The following CPVL variants were observed in gnomAD, a reference collection of about 807,000 sequenced individuals.
CPVL encodes probable serine carboxypeptidase CPVL.
CPVL carries 51 observed loss-of-function variants against 63.7 expected under a neutral mutation model. The ratio of observed to expected loss-of-function variants is 0.80; its 90% CI spans 0.64 to 1.01. The LOEUF is 1.01. Among genes scored for constraint, CPVL ranks in the 50% least tolerant of loss-of-function variants. The pLI is 0.00. For missense variants in CPVL, 530 were observed against 573.1 expected (o/e 0.92, Z 0.77); for synonymous variants, 195 against 206.0 (o/e 0.95, Z 0.46).
Position 29,036,623 on chromosome 7 carries a change from T to C in CPVL, c.1138-5864A>G, listed in dbSNP as rs1460878024. Among the ~76,000 whole-genome samples, 3 of 152,196 alleles carry C rather than the reference T, an allele frequency of 2.0e-5. No homozygotes were observed. In the East Asian group the frequency reaches 5.8e-4, roughly 29 times the overall value. ...ATGCATTGGCCACTGCATCTCAGTCTTTTCTTGAAAGTTAGAGCCATAAAT... is the reference window on the plus strand; with the variant it reads ...ATGCATTGGCCACTGCATCTCAGTCCTTTCTTGAAAGTTAGAGCCATAAAT... On this transcript the variant is annotated intron_variant, in intron 11 of 12. Coordinates refer to ENST00000265394, the MANE Select transcript of CPVL (RefSeq NM_031311.5).
upstream of CPVL, chr7:29,146,664 C>T: frequency 3.2e-6 from 5 of 1,550,610 alleles, no homozygotes; most frequent in South Asian, 1.2e-5. Flanking sequence ...ATCAAGTCAG[C>T]GCTTCCCATG....
chr7:29,162,819 G>A (rs1176612624), intron 5 of CPVL, among the ~76,000 whole-genome samples: 1 of 152,174 alleles, frequency 6.6e-6, no homozygotes, highest in Non-Finnish European at 1.5e-5. Context: ...GGAAGAGGAG[G>A]GAGAGCCTAA....
intron 11 of CPVL, among the ~76,000 whole-genome samples, chr7:29,055,228 A>G (rs532176932): frequency 6.6e-6 from 1 of 152,094 alleles, no homozygotes; most frequent in East Asian, 1.9e-4. Flanking sequence ...GAGACTGTAA[A>G]CACCTCTATT....
chr7:29,071,941 GGAGA>G, intron 8 of CPVL, 37 bp from the exon 9 acceptor site: 1 of 1,611,832 alleles, frequency 6.2e-7, no homozygotes, highest in Non-Finnish European at 8.5e-7. Flanking sequence ...TGTGACAAAG[GGAGA>G]GAAAGAGACC....
At chr7:29,079,028 A>G (rs761782035) in intron 7 of CPVL, among the ~76,000 whole-genome samples, 14 of 152,196 alleles carry the variant, frequency 9.2e-5, no homozygotes, top group Admixed American at 2.0e-4. Context: ...AAATAATTGC[A>G]TTCCAAAGAC....
intron 11 of CPVL, among the ~76,000 whole-genome samples, chr7:29,038,255 G>A (rs1788739444): frequency 6.6e-6 from 1 of 152,118 alleles, no homozygotes; most frequent in South Asian, 2.1e-4. Flanking sequence ...CCTTTGGAGG[G>A]TGATTAGGGG....
chr7:29,067,618 T>C (rs556311477), intron 9 of CPVL, among the ~76,000 whole-genome samples: 19 of 151,994 alleles, frequency 1.3e-4, no homozygotes, highest in African/African-American at 4.1e-4. Context: ...GAGAAGAAAA[T>C]AGTCACAGAA....
intron 7 of CPVL, among the ~76,000 whole-genome samples, chr7:29,078,874 T>C (rs1784451183): frequency 6.6e-6 from 1 of 152,188 alleles, no homozygotes; most frequent in South Asian, 2.1e-4. Flanking sequence ...AATCATTAAA[T>C]AGTCACAAAT....
intron 1 of CPVL, among the ~76,000 whole-genome samples, chr7:29,142,886 A>T (rs1443296339): frequency 6.6e-6 from 1 of 152,108 alleles, no homozygotes; most frequent in Non-Finnish European, 1.5e-5. Context: ...TAAAACCAGA[A>T]GTCCTCAAGT....
At chr7:29,055,478 T>TGACCTCAGGTCATGTGCC (rs201875045) in intron 11 of CPVL, among the ~76,000 whole-genome samples, 5,096 of 152,276 alleles carry the variant, frequency 0.033, 109 homozygotes, top group East Asian at 0.065. Flanking sequence ...CTTGAACTCC[T>TGACCTCAGGTCATGTGCC]GACCTCAGGT....
At chr7:29,165,933 A>C (rs904817998) in intron 5 of CPVL, among the ~76,000 whole-genome samples, 2 of 152,202 alleles carry the variant, frequency 1.3e-5, no homozygotes, top group Non-Finnish European at 2.9e-5. Flanking sequence ...CACTATGTTC[A>C]CAGGGGACAT....
intron 12 of CPVL, chr7:29,011,834 C>T (rs486841): frequency 0.36 from 54,768 of 152,056 alleles, 9,969 homozygotes; most frequent in Middle Eastern, 0.43. Context: ...AGGTTTTCAA[C>T]ATATCTATAA....
intron 1 of CPVL, chr7:29,194,607 G>C (rs993370735): frequency 3.8e-6 from 1 of 259,888 alleles, no homozygotes; most frequent in African/African-American, 2.2e-5. Flanking sequence ...GCGCACAGGG[G>C]AGCGTGGACG....
At chr7:29,044,776 T>C (rs505532) in intron 11 of CPVL, among the ~76,000 whole-genome samples, 98,264 of 152,114 alleles carry the variant, frequency 0.65, 32,235 homozygotes, top group Non-Finnish European at 0.71. Flanking sequence ...TTCATACCAG[T>C]TGGGTTTCAT....
chr7:29,014,696 G>T (rs1225654394), intron 12 of CPVL, among the ~76,000 whole-genome samples: 1 of 152,232 alleles, frequency 6.6e-6, no homozygotes, highest in East Asian at 1.9e-4. Flanking sequence ...ATTGCCTTAA[G>T]CCTATTTAAC....
At chr7:29,005,435 CTTT>C (rs1264229547) in intron 12 of CPVL, among the ~76,000 whole-genome samples, 3 of 152,144 alleles carry the variant, frequency 2.0e-5, no homozygotes, top group African/African-American at 7.2e-5. Context: ...TTCCAGGCTT[CTTT>C]GATTTCCCTT....
chr7:29,087,014 G>T lies in CPVL; in HGVS notation c.543-464C>A, dbSNP rs1041372881. 2.6e-5 allele frequency among the ~76,000 whole-genome samples: 4 copies of T among 151,832 alleles called. No individual in the cohort carries two copies. The East Asian group carries it at 7.7e-4, about 29-fold the overall frequency. ...AGAATGCCACATTTTAATAACCAAAGAACAGAAAAACTGTAAGATGACTAT... is the reference window on the plus strand; with the variant it reads ...AGAATGCCACATTTTAATAACCAAATAACAGAAAAACTGTAAGATGACTAT... On this transcript the variant is annotated intron_variant, in intron 6 of 12. Transcript: ENST00000265394.
At chr7:29,047,064 C>T (rs908772591) in intron 11 of CPVL, among the ~76,000 whole-genome samples, 1 of 152,114 alleles carries the variant, frequency 6.6e-6, no homozygotes, top group Non-Finnish European at 1.5e-5. Flanking sequence ...CATTTGTCTT[C>T]CGTCATTCCA....
intron 11 of CPVL, among the ~76,000 whole-genome samples, chr7:29,056,067 T>C (rs552276839): frequency 3.6e-4 from 55 of 152,266 alleles, no homozygotes; most frequent in African/African-American, 1.2e-3. Flanking sequence ...CATAGCAAAA[T>C]TGAGTGTAAA....
Sources: allele counts gnomAD v4.1 joint callset (sites outside exome capture counted in the v4.1 genomes callset), GRCh38; gene constraint gnomAD v4.1.1; transcripts MANE v1.5; gene names NCBI Gene and HGNC (gene_info 2026-07-23, HGNC 2026-07-21).